The following DEPTOR variants were observed in gnomAD, a reference collection of about 807,000 sequenced individuals.
DEPTOR encodes DEP domain-containing mTOR-interacting protein.
DEPTOR carries 41 observed loss-of-function variants against 41.6 expected under a neutral mutation model. That is an observed-to-expected ratio of 0.98 (90% CI 0.77 to 1.28). DEPTOR has a LOEUF of 1.28. Ranked by LOEUF, DEPTOR falls within the 50% of genes most tolerant of loss-of-function variation. DEPTOR has a pLI of 0.00. For synonymous variants in DEPTOR, 195 were observed against 192.3 expected (o/e 1.01, Z -0.12); for missense variants, 514 against 527.9 (o/e 0.97, Z 0.26).
intron 3 of DEPTOR, among the ~76,000 whole-genome samples, chr8:119,945,354 A>C (rs1266932241): frequency 6.6e-6 from 1 of 152,184 alleles, no homozygotes; most frequent in East Asian, 1.9e-4. Context: ...TAAGAATAAT[A>C]ATCTTAGCCA....
intron 4 of DEPTOR, among the ~76,000 whole-genome samples, chr8:119,975,233 T>C (rs1295511020): frequency 6.6e-6 from 1 of 152,176 alleles, no homozygotes; most frequent in Non-Finnish European, 1.5e-5. Flanking sequence ...CTGCTGTGTC[T>C]GCAGCTTCTC....
rs1475445813 is a variant in DEPTOR at position 119,965,370 on chromosome 8, G to A, written c.564G>A (p.Gln188=). 6.2e-7 allele frequency: 1 copy of A among 1,613,958 alleles called. No individual in the cohort carries two copies. Among genetic ancestry groups the A allele is most frequent in the Non-Finnish European group, 8.5e-7 (1 of 1,180,022 alleles). Residue 188 remains glutamine, a synonymous_variant, in exon 4 of 9, where the codon CAG becomes CAA. Transcript: ENST00000286234. The part of the protein sequence containing the change: ...GEATTRKEAE[Q]LCHRLMEHGI... ...CCACCACGAGGAAAGAGGCAGAGCA[G>A]CTTTGCCACCGGCTTATGGAGCATG...
intron 4 of DEPTOR, among the ~76,000 whole-genome samples, chr8:119,996,929 T>G (rs1812270052): frequency 1.3e-5 from 2 of 152,128 alleles, no homozygotes. Context: ...CTACAAAATT[T>G]TATTATAGCA....
chr8:119,991,038 C>CTTTTCT (rs773148386), intron 4 of DEPTOR, among the ~76,000 whole-genome samples: 1 of 13,810 alleles, frequency 7.2e-5, no homozygotes, highest in Admixed American at 1.1e-3. Flanking sequence ...TCTTTTCTTT[C>CTTTTCT]TTTCTTTCTT....
At position 119,946,164 on chromosome 8, in the gene DEPTOR, G is replaced by T. The variant is rs993023809; in HGVS notation, c.425+16226G>T. Among the ~76,000 whole-genome samples, 9 of 152,170 alleles carry T rather than the reference G, an allele frequency of 5.9e-5. No homozygotes were observed. In the South Asian group the frequency reaches 1.9e-3, roughly 32 times the overall value. On this transcript the variant is annotated intron_variant, in intron 3 of 8. Coordinates refer to ENST00000286234, the MANE Select transcript of DEPTOR (RefSeq NM_022783.4). ...GCTTCGGAGGGAAAACAAAGGCATT[G>T]TTCCACCAAATGGAAAAAGGCACCA... is the stretch of plus-strand genomic sequence containing the variant.
intron 1 of DEPTOR, among the ~76,000 whole-genome samples, chr8:119,919,987 G>T (rs893386460): frequency 3.3e-5 from 5 of 152,286 alleles, no homozygotes; most frequent in African/African-American, 9.6e-5. Flanking sequence ...AGAGGAAATG[G>T]TCTGATGCAA....
intron 3 of DEPTOR, among the ~76,000 whole-genome samples, chr8:119,942,894 G>T (rs1002278199): frequency 6.6e-6 from 1 of 152,168 alleles, no homozygotes; most frequent in African/African-American, 2.4e-5. Flanking sequence ...GATATGCTAG[G>T]TTTCTAATAA....
chr8:119,886,482 T>TACACAC (rs1015636245), intron 1 of DEPTOR, among the ~76,000 whole-genome samples: 1 of 150,514 alleles, frequency 6.6e-6, no homozygotes. Flanking sequence ...CACATACACA[T>TACACAC]ACACACACAG....
intron 1 of DEPTOR, among the ~76,000 whole-genome samples, chr8:119,902,002 C>G (rs925625453): frequency 6.6e-6 from 1 of 151,604 alleles, no homozygotes; most frequent in African/African-American, 2.4e-5. Flanking sequence ...TTATGAACAT[C>G]CGCTAACATT....
chr8:119,902,392 T>C (rs531560317), intron 1 of DEPTOR, among the ~76,000 whole-genome samples: 11 of 151,952 alleles, frequency 7.2e-5, no homozygotes, highest in Non-Finnish European at 1.5e-4. Context: ...CAAGCTGGAG[T>C]GCAGTGGCAC....
At chr8:119,888,800 G>A (rs1224787478) in intron 1 of DEPTOR, among the ~76,000 whole-genome samples, 1 of 138,078 alleles carries the variant, frequency 7.2e-6, no homozygotes, top group African/African-American at 2.8e-5. Context: ...AGGTTGCAGT[G>A]AGCAGAGATT....
intron 3 of DEPTOR, among the ~76,000 whole-genome samples, chr8:119,959,224 G>A (rs1179892030): frequency 2.8e-5 from 4 of 141,792 alleles, no homozygotes; most frequent in African/African-American, 5.3e-5. Flanking sequence ...GGGAAGTGGC[G>A]CCATCTCGGC....
Position 119,873,835 on chromosome 8 carries a change from G to C in DEPTOR, c.-12G>C. 6.2e-7 allele frequency: 1 copy of C among 1,610,060 alleles called. No homozygotes were observed. Among genetic ancestry groups the C allele is most frequent in the Non-Finnish European group, 8.5e-7 (1 of 1,178,120 alleles). On this transcript the variant is annotated 5_prime_UTR_variant, in exon 1 of 9. Transcript: ENST00000286234. Reference sequence around the variant, plus strand: ...ACAGCGGAGCCAGTGGTAGCCGCACGGCCCTAAAACCATGGAGGAGGGCGG... The same window carrying C: ...ACAGCGGAGCCAGTGGTAGCCGCACCGCCCTAAAACCATGGAGGAGGGCGG...
In DEPTOR at chr8:119,928,468, T is replaced by G; in HGVS notation, c.191T>G (p.Phe64Cys). The G allele has an allele frequency of 6.2e-7, 1 of 1,614,204 alleles. No homozygotes were observed. The highest frequency in any genetic ancestry group is 8.5e-7 in the Non-Finnish European group (1 of 1,180,022). ...CATCTCAAGACCTACCCAAACTGTT[T>G]TGTCGCAAAAGAACTGATTGACTGG... ...RHHLKTYPNC[F>C]VAKELIDWLI... Residue 64 changes from phenylalanine to cysteine, a missense_variant, in exon 2 of 9, where the codon TTT becomes TGT. Phe to Cys is a radical substitution (Grantham distance 205). Coordinates refer to ENST00000286234, the MANE Select transcript of DEPTOR (RefSeq NM_022783.4).
chr8:120,010,221 C>A (rs1240229307), intron 8 of DEPTOR, among the ~76,000 whole-genome samples: 4 of 148,310 alleles, frequency 2.7e-5, no homozygotes, highest in Non-Finnish European at 5.9e-5. Context: ...GTGTGGAAAC[C>A]TTGATAAAGT....
chr8:119,905,833 G>T (rs183182458), intron 1 of DEPTOR, among the ~76,000 whole-genome samples: 8 of 152,010 alleles, frequency 5.3e-5, no homozygotes, highest in Non-Finnish European at 8.8e-5. Flanking sequence ...AATGGAGATG[G>T]GGTTTCACCA....
chr8:119,935,962 C>T (rs1209208815), intron 3 of DEPTOR, among the ~76,000 whole-genome samples: 3 of 151,128 alleles, frequency 2.0e-5, no homozygotes, highest in African/African-American at 7.3e-5. Context: ...GAACTAAATC[C>T]CCTCTTAATC....
chr8:119,977,311 G>C (rs1174012810), intron 4 of DEPTOR, among the ~76,000 whole-genome samples: 1 of 151,332 alleles, frequency 6.6e-6, no homozygotes, highest in Non-Finnish European at 1.5e-5. Context: ...CCATGTCTCT[G>C]TTTTTTTTAG....
chr8:120,001,159 G>A (rs1183362573), intron 4 of DEPTOR, among the ~76,000 whole-genome samples: 2 of 152,170 alleles, frequency 1.3e-5, no homozygotes, highest in East Asian at 3.9e-4. Context: ...GTGAAGCCAT[G>A]ATCACTGCCC....
Sources: gnomAD v4.1 joint callset for allele counts (sites outside exome capture counted in the v4.1 genomes callset) on GRCh38, gnomAD v4.1.1 for gene constraint, MANE v1.5 for transcripts, NCBI Gene and HGNC (gene_info 2026-07-23, HGNC 2026-07-21) for gene names.